Variants in UST observed in about 807,000 individuals in gnomAD.
The protein encoded by UST is chondroitin sulfate 2-O-sulfotransferase.
A neutral mutation model predicts 45.6 loss-of-function variants in UST; 21 were observed. That is an observed-to-expected ratio of 0.46 (90% CI 0.33 to 0.66). UST has a LOEUF of 0.66. Ranked by LOEUF, UST falls within the 30% of genes least tolerant of loss-of-function variation. The pLI is 0.02. For synonymous variants in UST, 215 were observed against 200.6 expected (o/e 1.07, Z -0.61); for missense variants, 463 against 512.4 (o/e 0.90, Z 0.93).
chr6:148,920,525 T>C (rs78743906), intron 2 of UST, among the ~76,000 whole-genome samples: 4,421 of 152,172 alleles, frequency 0.029, 228 homozygotes, highest in African/African-American at 0.1. Flanking sequence ...AGAGGTTTCT[T>C]TGTTTGCTTT....
intron 4 of UST, chr6:148,955,613 A>G (rs973870863): frequency 1.3e-5 from 2 of 152,260 alleles, no homozygotes; most frequent in Non-Finnish European, 2.9e-5. Flanking sequence ...TAATTCCAGA[A>G]GGCCACATGC....
intron 5 of UST, among the ~76,000 whole-genome samples, chr6:148,983,887 A>C (rs1016734963): frequency 1.3e-5 from 2 of 152,188 alleles, no homozygotes; most frequent in Non-Finnish European, 2.9e-5. Flanking sequence ...CCCTATCACC[A>C]CCACCCCCAC....
chr6:148,803,627 A>G lies in UST; in HGVS notation c.247+55950A>G, dbSNP rs145757080. On this transcript the variant is annotated intron_variant, in intron 1 of 7. Transcript: ENST00000367463. ...CTCTGGAGCCAGAATAAAATTTCCA[A>G]AATGTAAATCAGATAAAGCCTCCCA... Among the ~76,000 whole-genome samples, 229 of 152,280 alleles carry G rather than the reference A, an allele frequency of 1.5e-3. 1 individual carries two copies. Among genetic ancestry groups the G allele is most frequent in the Middle Eastern group, 3.4e-3 (1 of 294 alleles).
intron 5 of UST, 53 bp downstream of exon 5, chr6:148,964,616 C>G: frequency 1.3e-6 from 2 of 1,599,188 alleles, no homozygotes; most frequent in East Asian, 4.5e-5. Flanking sequence ...AGGAGTGGGC[C>G]CTCCACCAGG....
intron 1 of UST, among the ~76,000 whole-genome samples, chr6:148,775,377 C>A (rs548854779): frequency 1.3e-5 from 2 of 152,068 alleles, no homozygotes; most frequent in African/African-American, 2.4e-5. Flanking sequence ...AGGTGGTGGT[C>A]TTTACCAATG....
At chr6:149,042,757 T>C (rs1776333109) in intron 7 of UST, among the ~76,000 whole-genome samples, 2 of 152,236 alleles carry the variant, frequency 1.3e-5, no homozygotes, top group Admixed American at 6.5e-5. Flanking sequence ...ACCACATGGT[T>C]TTCAGGGAAT....
intron 1 of UST, among the ~76,000 whole-genome samples, chr6:148,755,682 A>G (rs1776081683): frequency 6.6e-6 from 1 of 151,642 alleles, no homozygotes; most frequent in Admixed American, 6.6e-5. Context: ...ACATTCCCCA[A>G]AACTGGATTA....
intron 1 of UST, among the ~76,000 whole-genome samples, chr6:148,760,581 C>T (rs180886643): frequency 2.0e-5 from 3 of 151,836 alleles, no homozygotes; most frequent in Admixed American, 2.0e-4. Context: ...CTTGTCCAGA[C>T]AAATAGGTCT....
intron 2 of UST, among the ~76,000 whole-genome samples, chr6:148,930,861 GA>G (rs1456419042): frequency 6.6e-6 from 1 of 152,206 alleles, no homozygotes; most frequent in Non-Finnish European, 1.5e-5. Context: ...TTGAATCTAA[GA>G]ATAAGTTTCT....
intron 1 of UST, among the ~76,000 whole-genome samples, chr6:148,794,703 A>G (rs980386013): frequency 6.6e-6 from 1 of 152,234 alleles, no homozygotes; most frequent in Non-Finnish European, 1.5e-5. Context: ...CTGCTTGTAC[A>G]GAAAGAACAT....
chr6:148,890,302 G>A (rs1433682522), intron 2 of UST, among the ~76,000 whole-genome samples: 1 of 152,150 alleles, frequency 6.6e-6, no homozygotes, highest in African/African-American at 2.4e-5. Context: ...GTCCCCTGGG[G>A]TGGGGCCTCA....
chr6:148,758,914 A>G (rs1776148642), intron 1 of UST, among the ~76,000 whole-genome samples: 1 of 152,244 alleles, frequency 6.6e-6, no homozygotes, highest in Admixed American at 6.5e-5. Context: ...CTGCTTTAAC[A>G]CAAAGGCTGT....
intron 5 of UST, among the ~76,000 whole-genome samples, chr6:148,994,324 A>G (rs1781409439): frequency 6.6e-6 from 1 of 152,080 alleles, no homozygotes; most frequent in Admixed American, 6.5e-5. Context: ...CCATAGTAAA[A>G]GTTTCTACAT....
chr6:148,769,129 G>T (rs990498663), intron 1 of UST, among the ~76,000 whole-genome samples: 3 of 152,340 alleles, frequency 2.0e-5, no homozygotes, highest in Admixed American at 6.5e-5. Context: ...GCTGCATGCA[G>T]CCTTGCACAT....
At chr6:148,769,058 T>G (rs543221208) in intron 1 of UST, among the ~76,000 whole-genome samples, 31 of 152,366 alleles carry the variant, frequency 2.0e-4, no homozygotes, top group Admixed American at 1.8e-3. Context: ...TGGGTAACTG[T>G]ATGGATCTCA....
intron 7 of UST, among the ~76,000 whole-genome samples, chr6:149,022,676 A>T (rs1775996915): frequency 6.6e-6 from 1 of 152,218 alleles, no homozygotes. Context: ...CACATTCCAC[A>T]GGGTTCCCGA....
At chr6:148,982,192 G>T (rs1180137391) in intron 5 of UST, among the ~76,000 whole-genome samples, 2 of 151,300 alleles carry the variant, frequency 1.3e-5, no homozygotes, top group Admixed American at 1.3e-4. Flanking sequence ...TCTGCATCCT[G>T]GGTTCAAGTG....
intron 2 of UST, among the ~76,000 whole-genome samples, chr6:148,925,265 C>T (rs991240788): frequency 2.0e-5 from 3 of 152,152 alleles, no homozygotes; most frequent in Non-Finnish European, 2.9e-5. Context: ...AGGACAGCAA[C>T]GGTCTGAGGG....
chr6:148,833,657 A>G (rs1267169280), intron 1 of UST, among the ~76,000 whole-genome samples: 1 of 152,226 alleles, frequency 6.6e-6, no homozygotes, highest in Non-Finnish European at 1.5e-5. Flanking sequence ...AGCAGGTTAT[A>G]GATGTTCTAG....
Sources: allele counts gnomAD v4.1 joint callset (sites outside exome capture counted in the v4.1 genomes callset), GRCh38; gene constraint gnomAD v4.1.1; transcripts MANE v1.5; gene names NCBI Gene and HGNC (gene_info 2026-07-23, HGNC 2026-07-21).